The following POLN variants were observed in gnomAD, a reference collection of about 807,000 sequenced individuals.
POLN encodes DNA polymerase nu.
In POLN, 108 loss-of-function variants were observed where a neutral mutation model predicts 113.5. The ratio of observed to expected loss-of-function variants is 0.95; its 90% CI spans 0.81 to 1.12. POLN has a LOEUF of 1.12. POLN is among the 50% of genes most tolerant of loss of function. POLN has a pLI of 0.00. For synonymous variants in POLN, 386 were observed against 391.5 expected (o/e 0.99, Z 0.17); for missense variants, 1,097 against 1,077.1 (o/e 1.02, Z -0.26).
Position 2,131,245 on chromosome 4 carries a change from T to A in POLN, c.1777A>T (p.Lys593Ter). Residue 593 changes from lysine to a stop codon, truncating the protein, a stop_gained, in exon 17 of 26, where the codon AAG becomes TAG. Coordinates refer to ENST00000511885, the MANE Select transcript of POLN (RefSeq NM_181808.4). LOFTEE classifies it high-confidence loss of function. Reference sequence around the variant, plus strand: ...AGAAATGAGTTACCTTTAAAATTCTTAGGTGTAGTAATCTGAATTGGGTGC... The same window carrying A: ...AGAAATGAGTTACCTTTAAAATTCTAAGGTGTAGTAATCTGAATTGGGTGC... The part of the protein sequence containing the change: ...SKHPIQITTP[K>*]NFKGKEDKIL... The A allele has an allele frequency of 6.3e-7, 1 of 1,589,614 alleles. No individual in the cohort carries two copies. The highest frequency in any genetic ancestry group is 8.6e-7 in the Non-Finnish European group (1 of 1,159,508).
At position 2,125,392 on chromosome 4, in the gene POLN, TTAAG is replaced by T. The variant is rs1731553740; in HGVS notation, c.1982+2717_1982+2720del. ...TGTCTTAGGCCTTCTACTTTGTCACTTAAGTAAGAGCGGGGGTTCTTTTTGGAGA... is the reference window on the plus strand; with the variant it reads ...TGTCTTAGGCCTTCTACTTTGTCACTTAAGAGCGGGGGTTCTTTTTGGAGA... On this transcript the variant is annotated intron_variant, in intron 19 of 25. Transcript: ENST00000511885. 5.9e-5 allele frequency among the ~76,000 whole-genome samples: 9 copies of T among 152,212 alleles called. No individual in the cohort carries two copies. The South Asian group carries it at 1.9e-3, about 32-fold the overall frequency.
At chr4:2,233,751 A>C (rs1052148232) in intron 2 of POLN, among the ~76,000 whole-genome samples, 37 of 152,246 alleles carry the variant, frequency 2.4e-4, no homozygotes, top group Non-Finnish European at 7.3e-5. Flanking sequence ...TATGAAAAAC[A>C]AAAATTCTTA....
At chr4:2,193,131 A>T in intron 7 of POLN, 73 bp downstream of exon 7, 1 of 1,173,564 alleles carries the variant, frequency 8.5e-7, no homozygotes, top group Non-Finnish European at 1.2e-6. Flanking sequence ...GGCTGCCCTC[A>T]CCATTCTCCC....
At chr4:2,109,089 T>C (rs1270293149) in intron 19 of POLN, among the ~76,000 whole-genome samples, 3 of 152,138 alleles carry the variant, frequency 2.0e-5, no homozygotes, top group African/African-American at 7.2e-5. Context: ...TTATAGAAAT[T>C]TTGGAAGGAA....
At chr4:2,149,946 G>T (rs1055563912) in intron 16 of POLN, among the ~76,000 whole-genome samples, 4 of 151,956 alleles carry the variant, frequency 2.6e-5, no homozygotes, top group Non-Finnish European at 5.9e-5. Context: ...AGCTGGGTGT[G>T]GTGGTGGGCT....
chr4:2,203,709 T>C (rs1733773593), intron 5 of POLN, among the ~76,000 whole-genome samples: 1 of 151,000 alleles, frequency 6.6e-6, no homozygotes, highest in African/African-American at 2.4e-5. Flanking sequence ...CTCAAGGAAC[T>C]AGAGAAACAA....
At position 2,089,384 on chromosome 4, in the gene POLN, A is replaced by G. The variant is rs1283902886; in HGVS notation, c.2066-3640T>C. 8.6e-6 allele frequency: 12 copies of G among 1,388,660 alleles called. No homozygotes were observed. In the African/African-American group the frequency reaches 8.7e-5, roughly 10 times the overall value. The allele number at this position is 1,388,660 out of a possible 1,614,324, so 86.0% of individuals were successfully genotyped here. A position where few individuals can be genotyped will look rare whatever the true frequency, so the allele number is the denominator to read the frequency against. ...AATTGTGACAGGGGAAAGGATCCCA[A>G]ACTTAGATCTGTGAAACTGACAGAT... On this transcript the variant is annotated intron_variant, in intron 20 of 25. Coordinates refer to ENST00000511885, the MANE Select transcript of POLN (RefSeq NM_181808.4).
intron 25 of POLN, among the ~76,000 whole-genome samples, chr4:2,072,503 C>T (rs545413175): frequency 6.6e-6 from 1 of 152,358 alleles, no homozygotes; most frequent in African/African-American, 2.4e-5. Context: ...ATCCACCTCC[C>T]AGTCACGACA....
At chr4:2,080,849 G>A (rs1411578071) in intron 23 of POLN, 109 bp downstream of exon 23, 2 of 1,588,070 alleles carry the variant, frequency 1.3e-6, no homozygotes, top group Non-Finnish European at 1.7e-6. Context: ...GAGGGGACGG[G>A]GGCCCGATAA....
chr4:2,146,036 TTAAAA>T (rs1232135033), intron 16 of POLN, among the ~76,000 whole-genome samples: 2 of 66,038 alleles, frequency 3.0e-5, no homozygotes, highest in Non-Finnish European at 1.0e-4. Flanking sequence ...TATATAAACT[TTAAAA>T]TAGCAAAAAA....
intron 19 of POLN, among the ~76,000 whole-genome samples, chr4:2,114,583 C>T (rs1359123847): frequency 6.6e-6 from 1 of 152,210 alleles, no homozygotes; most frequent in African/African-American, 2.4e-5. Flanking sequence ...CTCCACTGTG[C>T]CTGGTAAAAA....
chr4:2,192,340 G>T (rs1612948), intron 7 of POLN, among the ~76,000 whole-genome samples: 102,097 of 151,790 alleles, frequency 0.67, 36,312 homozygotes, highest in African/African-American at 0.91. Context: ...TTACCACTTA[G>T]CTGTCCATCT....
intron 16 of POLN, among the ~76,000 whole-genome samples, chr4:2,144,059 T>C (rs1732071793): frequency 6.6e-6 from 1 of 152,050 alleles, no homozygotes; most frequent in South Asian, 2.1e-4. Flanking sequence ...GATTTAAATA[T>C]ATGATTTTGA....
chr4:2,241,985 C>T, intron 1 of POLN, 66 bp downstream of exon 1: 1 of 985,560 alleles, frequency 1.0e-6, no homozygotes, highest in Non-Finnish European at 1.2e-6. Context: ...TGGGTGCAGA[C>T]GGGGATCGCG....
Position 2,159,158 on chromosome 4 carries a change from C to T in POLN, c.1608G>A (p.Arg536=). Residue 536 remains arginine (R), a synonymous_variant, in exon 14 of 26, where the codon AGG becomes AGA. Transcript: ENST00000511885. ...ACGTACAAAAAAATTAACTTACCTG[C>T]CTGTATTCCAAAATTATCTTGGGTA... ...HPLPKIILEY[R]QVHKIKSTFV... is the part of the protein sequence containing the mutation. 1 of 1,604,716 alleles carries T rather than the reference C, an allele frequency of 6.2e-7. No individual in the cohort carries two copies. Among genetic ancestry groups the T allele is most frequent in the Non-Finnish European group, 8.5e-7 (1 of 1,171,974 alleles).
intron 16 of POLN, among the ~76,000 whole-genome samples, chr4:2,155,402 G>C (rs1346063751): frequency 6.6e-6 from 1 of 152,178 alleles, no homozygotes; most frequent in African/African-American, 2.4e-5. Context: ...CCAAGAGTGG[G>C]TGTCCATGCA....
chr4:2,173,413 AG>A (rs1239155314), intron 11 of POLN, among the ~76,000 whole-genome samples: 1 of 152,076 alleles, frequency 6.6e-6, no homozygotes, highest in African/African-American at 2.4e-5. Flanking sequence ...CTTTTTGTTA[AG>A]TACAGTCATC....
chr4:2,210,920 A>G (rs112370279), intron 4 of POLN, among the ~76,000 whole-genome samples: 2,793 of 141,608 alleles, frequency 0.02, 100 homozygotes, highest in African/African-American at 0.07. Flanking sequence ...CCATCTCAAA[A>G]CATAATAAAT....
intron 19 of POLN, among the ~76,000 whole-genome samples, chr4:2,120,891 A>C (rs1473357708): frequency 1.3e-5 from 2 of 152,172 alleles, no homozygotes; most frequent in East Asian, 3.8e-4. Context: ...TTGTGAGCTG[A>C]TTTTAGGTCT....
Sources: allele counts gnomAD v4.1 joint callset (sites outside exome capture counted in the v4.1 genomes callset), GRCh38; gene constraint gnomAD v4.1.1; transcripts MANE v1.5; gene names NCBI Gene and HGNC (gene_info 2026-07-23, HGNC 2026-07-21).